MCC: variants seen among roughly 807,000 people sequenced by gnomAD.
MCC encodes colorectal mutant cancer protein.
MCC carries 90 observed loss-of-function variants against 116.2 expected under a neutral mutation model. The ratio of observed to expected loss-of-function variants is 0.77; its 90% confidence interval spans 0.65 to 0.92. MCC has a LOEUF of 0.92. MCC is among the 40% of genes least tolerant of loss of function. The pLI, the probability that MCC is intolerant of heterozygous loss-of-function variation, is 0.00. For synonymous variants in MCC, 578 were observed against 510.5 expected (o/e 1.13, Z -1.78); for missense variants, 1,516 against 1,312.2 (o/e 1.16, Z -2.40).
At chr5:113,066,643 A>G (rs544467415) in intron 13 of MCC, among the ~76,000 whole-genome samples, 14 of 152,344 alleles carry the variant, frequency 9.2e-5, no homozygotes, top group South Asian at 8.3e-4. Context: ...TCGAAACTGA[A>G]GGAGGAAACA....
At chr5:113,203,973 C>T (rs1423791603) in intron 3 of MCC, among the ~76,000 whole-genome samples, 4 of 152,300 alleles carry the variant, frequency 2.6e-5, no homozygotes, top group South Asian at 4.1e-4. Flanking sequence ...AGATGCCGGA[C>T]GCCAAACTGA....
chr5:113,118,871 C>T (rs947685290), intron 6 of MCC, among the ~76,000 whole-genome samples: 1 of 152,218 alleles, frequency 6.6e-6, no homozygotes, highest in Admixed American at 6.5e-5. Context: ...AGTGTTTGTC[C>T]TCCTGGGGGA....
intron 3 of MCC, among the ~76,000 whole-genome samples, chr5:113,173,359 G>A (rs115319787): frequency 0.038 from 5,761 of 152,066 alleles, 160 homozygotes; most frequent in African/African-American, 0.065. Flanking sequence ...TTTATTGTTT[G>A]TCCTATTACT....
intron 10 of MCC, 38 bp from the exon 11 acceptor site, chr5:113,083,046 C>A (rs1282019283): frequency 1.9e-6 from 3 of 1,584,830 alleles, no homozygotes; most frequent in South Asian, 1.1e-5. Flanking sequence ...TGGAACATAT[C>A]ATTTCAGAGA....
intron 1 of MCC, among the ~76,000 whole-genome samples, chr5:113,410,221 C>T (rs1769945385): frequency 6.6e-6 from 1 of 152,142 alleles, no homozygotes; most frequent in African/African-American, 2.4e-5. Flanking sequence ...ATATGCTATA[C>T]CTATACAAGG....
chr5:113,283,888 C>G (rs1471657607), intron 3 of MCC, among the ~76,000 whole-genome samples: 1 of 152,182 alleles, frequency 6.6e-6, no homozygotes, highest in African/African-American at 2.4e-5. Context: ...AAAACCAAAC[C>G]TCCCTCTTCC....
Position 113,151,348 on chromosome 5 carries a change from C to G in MCC, c.702G>C (p.Arg234Ser). The change falls in exon 4 of 19, where the codon AGG (arginine) becomes AGC (serine). Residue 234 changes from arginine to serine, a missense_variant. Arg to Ser is a moderately radical substitution (Grantham distance 110). Coordinates refer to ENST00000408903, the MANE Select transcript of MCC (RefSeq NM_001085377.2). ...ATTTCTTTTCCAGAAGGTCCCGTTC[C>G]CTCTCTGTTTGCTGGAGACGTTTAT... ...ELNKRLQQTERERDLLEKKLA... is the reference protein window; with the variant it reads ...ELNKRLQQTESERDLLEKKLA... The G allele has an allele frequency of 3.1e-6, 5 of 1,613,812 alleles. No individual in the cohort carries two copies. Among genetic ancestry groups the G allele is most frequent in the Non-Finnish European group, 4.2e-6 (5 of 1,179,858 alleles).
At chr5:113,072,419 T>C (rs1311626699) in intron 11 of MCC, among the ~76,000 whole-genome samples, 2 of 152,174 alleles carry the variant, frequency 1.3e-5, no homozygotes, top group African/African-American at 4.8e-5. Context: ...GTCACCATTC[T>C]CTCACTTTTC....
chr5:113,046,759 C>T (rs1752120020), intron 16 of MCC, among the ~76,000 whole-genome samples: 2 of 148,878 alleles, frequency 1.3e-5, no homozygotes, highest in African/African-American at 4.9e-5. Context: ...TTCCCGAGCC[C>T]CAGATACTTC....
chr5:113,136,223 A>T (rs1248707190), intron 5 of MCC, among the ~76,000 whole-genome samples: 7 of 152,152 alleles, frequency 4.6e-5, no homozygotes, highest in African/African-American at 1.7e-4. Context: ...GGAAATCCTT[A>T]TTTTCTTTAG....
intron 3 of MCC, among the ~76,000 whole-genome samples, chr5:113,163,275 T>A (rs145126001): frequency 3.0e-4 from 46 of 152,278 alleles, no homozygotes; most frequent in African/African-American, 1.0e-3. Context: ...CACACAAAGG[T>A]CATCTATTCA....
chr5:113,431,779 G>GGA (rs1770658778), intron 1 of MCC, among the ~76,000 whole-genome samples: 1 of 132,964 alleles, frequency 7.5e-6, no homozygotes, highest in African/African-American at 2.6e-5. Context: ...GGGGGGGGTG[G>GGA]ATCACGAGGT....
intron 1 of MCC, among the ~76,000 whole-genome samples, chr5:113,404,817 T>TAA (rs11451517): frequency 4.7e-5 from 7 of 150,488 alleles, no homozygotes; most frequent in Non-Finnish European, 8.9e-5. Context: ...TCAATCAAGT[T>TAA]AAAAAAAAAG....
intron 3 of MCC, among the ~76,000 whole-genome samples, chr5:113,192,110 C>T (rs1008359028): frequency 6.6e-6 from 1 of 152,168 alleles, no homozygotes. Context: ...GCTTAGATCT[C>T]ATTCCAGTGT....
intron 1 of MCC, among the ~76,000 whole-genome samples, chr5:113,419,910 T>A (rs255860): frequency 6.9e-6 from 1 of 145,388 alleles, no homozygotes; most frequent in East Asian, 2.1e-4. Flanking sequence ...TTAGGAGATA[T>A]ACCTAATGCT....
intron 8 of MCC, among the ~76,000 whole-genome samples, chr5:113,093,696 A>G (rs1231648063): frequency 6.6e-6 from 1 of 151,984 alleles, no homozygotes; most frequent in Non-Finnish European, 1.5e-5. Context: ...GGATGCTTCA[A>G]TCTCTGAGTA....
intron 3 of MCC, among the ~76,000 whole-genome samples, chr5:113,219,590 T>G (rs1012839614): frequency 9.2e-5 from 14 of 152,326 alleles, no homozygotes; most frequent in Admixed American, 7.2e-4. Context: ...TGCTTTAAAA[T>G]TTCAATAATA....
intron 6 of MCC, among the ~76,000 whole-genome samples, chr5:113,120,324 A>T (rs79765379): frequency 0.011 from 1,715 of 152,202 alleles, 38 homozygotes; most frequent in African/African-American, 0.04. Context: ...AAGCCCGGGG[A>T]CTGGGTTCAG....
chr5:113,300,645 C>T (rs1472356106), intron 3 of MCC, among the ~76,000 whole-genome samples: 1 of 151,976 alleles, frequency 6.6e-6, no homozygotes, highest in Non-Finnish European at 1.5e-5. Context: ...AATTAGGGAG[C>T]CCTCAAAGTA....
Sources: allele counts gnomAD v4.1 joint callset (sites outside exome capture counted in the v4.1 genomes callset), GRCh38; gene constraint gnomAD v4.1.1; transcripts MANE v1.5; gene names NCBI Gene and HGNC (gene_info 2026-07-23, HGNC 2026-07-21).